Variants in CHRNA7 observed in about 807,000 individuals in gnomAD.
CHRNA7 encodes the protein cholinergic receptor nicotinic alpha 7 subunit.
Under a neutral mutation model 48.0 loss-of-function variants are expected in CHRNA7, and 17 were observed. The ratio of observed to expected loss-of-function variants is 0.35; its 90% CI spans 0.24 to 0.53. The LOEUF is 0.53. Ranked by LOEUF, CHRNA7 falls within the 20% of genes least tolerant of loss-of-function variation. CHRNA7 has a pLI of 0.92. For missense variants in CHRNA7, 155 were observed against 577.7 expected (o/e 0.27, Z 7.50); for synonymous variants, 75 against 242.3 (o/e 0.31, Z 6.41).
At chr15:32,042,964 A>G (rs1039465137) in intron 2 of CHRNA7, among the ~76,000 whole-genome samples, 2 of 152,228 alleles carry the variant, frequency 1.3e-5, no homozygotes, top group African/African-American at 4.8e-5. Context: ...TTGAAAATCA[A>G]GGGGGTAAAA....
intron 4 of CHRNA7, among the ~76,000 whole-genome samples, chr15:32,152,420 GC>G (rs1166884800): frequency 2.0e-5 from 3 of 152,186 alleles, no homozygotes; most frequent in African/African-American, 7.2e-5. Flanking sequence ...TCCAGCCTGG[GC>G]AACAGAGCTA....
At chr15:32,164,889 G>A (rs1336253389) in intron 9 of CHRNA7, among the ~76,000 whole-genome samples, 3 of 12,194 alleles carry the variant, frequency 2.5e-4, no homozygotes, top group Non-Finnish European at 4.0e-4. Flanking sequence ...TCCAGCCTGG[G>A]TGACAGAGCA....
At chr15:32,102,092 G>A (rs1175695693) in intron 3 of CHRNA7, 1 of 146,370 alleles carries the variant, frequency 6.8e-6, no homozygotes, top group East Asian at 1.9e-4. Context: ...TTATCCTAAT[G>A]TAATATAATT....
At chr15:32,039,170 T>A (rs2049403914) in intron 2 of CHRNA7, among the ~76,000 whole-genome samples, 1 of 152,186 alleles carries the variant, frequency 6.6e-6, no homozygotes, top group Non-Finnish European at 1.5e-5. Flanking sequence ...TTAGCCTGGC[T>A]AGATGCTTAT....
intron 4 of CHRNA7, among the ~76,000 whole-genome samples, chr15:32,143,168 T>G (rs1303793831): frequency 6.6e-6 from 1 of 152,216 alleles, no homozygotes; most frequent in African/African-American, 2.4e-5. Flanking sequence ...CTGCCTTCAT[T>G]TCGTTATTTA....
chr15:32,046,714 T>G (rs1306498037), intron 2 of CHRNA7, among the ~76,000 whole-genome samples: 1 of 152,100 alleles, frequency 6.6e-6, no homozygotes, highest in East Asian at 1.9e-4. Context: ...TTGCCATTGC[T>G]TTTGGTGTTT....
In CHRNA7 at chr15:32,144,035, G is replaced by A. The variant is rs117145523; in HGVS notation, c.351-9872G>A. 1.9e-3 allele frequency among the ~76,000 whole-genome samples: 286 copies of A among 152,262 alleles called. 2 individuals carry two copies. In the Middle Eastern group the frequency reaches 0.024, roughly 13 times the overall value. ...GCATCGATGGTCTTTACCATTTGGC[G>A]TGTTTTTGCAGAGGCTGGTACCAGT... On this transcript the variant is annotated intron_variant, in intron 4 of 9. Transcript: ENST00000306901.
chr15:32,152,608 C>T (rs182214803), intron 4 of CHRNA7, among the ~76,000 whole-genome samples: 1 of 152,278 alleles, frequency 6.6e-6, no homozygotes, highest in Non-Finnish European at 1.5e-5. Flanking sequence ...GGATTAGCTC[C>T]TTAGAATAAT....
chr15:32,071,960 A>G (rs2050065346), intron 2 of CHRNA7, among the ~76,000 whole-genome samples: 1 of 152,048 alleles, frequency 6.6e-6, no homozygotes, highest in Admixed American at 6.6e-5. Flanking sequence ...TTAATTTTGG[A>G]ACTGGGTATG....
chr15:32,030,806 C>A (rs566670150), intron 1 of CHRNA7, 92 bp from the exon 2 acceptor site: 3 of 1,526,826 alleles, frequency 2.0e-6, no homozygotes, highest in Non-Finnish European at 1.8e-6. Context: ...TGGGCTGCAC[C>A]GGGTGGGCGG....
In CHRNA7 at chr15:32,102,637, T is replaced by A. The variant is rs910188731; in HGVS notation, c.240+1290T>A. 44 of 152,244 alleles carry A rather than the reference T, an allele frequency of 2.9e-4. 1 individual carries two copies. The highest frequency in any genetic ancestry group is 4.4e-5 in the Non-Finnish European group (3 of 68,044). 9.4% of individuals were successfully genotyped at this position (152,244 alleles called of 1,614,324 possible). A position where few individuals can be genotyped will look rare whatever the true frequency, so the allele number is the denominator to read the frequency against. Reference sequence around the variant, plus strand: ...AGTAATTATAAAACATAAATTTTTATTGGCAATTTATATCTCTGCCCAAGA... The same window carrying A: ...AGTAATTATAAAACATAAATTTTTAATGGCAATTTATATCTCTGCCCAAGA... On this transcript the variant is annotated intron_variant, in intron 3 of 9. Coordinates refer to ENST00000306901, the MANE Select transcript of CHRNA7 (RefSeq NM_000746.6).
At chr15:32,084,767 G>A (rs897312796) in intron 2 of CHRNA7, among the ~76,000 whole-genome samples, 11 of 151,836 alleles carry the variant, frequency 7.2e-5, no homozygotes, top group Admixed American at 6.6e-4. Context: ...AGGTGGCCAC[G>A]AGGACAGGCT....
chr15:32,113,956 G>A (rs530792862), intron 4 of CHRNA7, among the ~76,000 whole-genome samples: 1 of 149,212 alleles, frequency 6.7e-6, no homozygotes, highest in South Asian at 2.1e-4. Flanking sequence ...CTTGAGCCCA[G>A]CAGTGAGCTT....
intron 2 of CHRNA7, among the ~76,000 whole-genome samples, chr15:32,052,544 C>T (rs1029571335): frequency 2.6e-5 from 4 of 152,120 alleles, no homozygotes; most frequent in Admixed American, 2.6e-4. Flanking sequence ...TCTTGGCCAA[C>T]ATGGTGAAAC....
chr15:32,148,572 A>G (rs1486135321), intron 4 of CHRNA7, among the ~76,000 whole-genome samples: 2 of 152,202 alleles, frequency 1.3e-5, no homozygotes, highest in African/African-American at 4.8e-5. Context: ...ATGTGGAGGA[A>G]GGAAAGGTGT....
intron 2 of CHRNA7, among the ~76,000 whole-genome samples, chr15:32,033,743 A>C (rs1202853009): frequency 6.6e-6 from 1 of 152,178 alleles, no homozygotes; most frequent in African/African-American, 2.4e-5. Context: ...CGTGTGGCAA[A>C]ATCTTGGCTG....
chr15:32,139,049 C>T (rs1249662416), intron 4 of CHRNA7, among the ~76,000 whole-genome samples: 1 of 152,136 alleles, frequency 6.6e-6, no homozygotes, highest in Non-Finnish European at 1.5e-5. Context: ...CCACTGCGCC[C>T]GGCCTGATCT....
chr15:32,034,942 A>G (rs1902013368), intron 2 of CHRNA7, among the ~76,000 whole-genome samples: 1 of 152,152 alleles, frequency 6.6e-6, no homozygotes, highest in African/African-American at 2.4e-5. Context: ...GTCAGAGAGG[A>G]GAGAAAGGTA....
At chr15:32,076,902 GC>G (rs1344756350) in intron 2 of CHRNA7, among the ~76,000 whole-genome samples, 2 of 151,984 alleles carry the variant, frequency 1.3e-5, no homozygotes, top group South Asian at 2.1e-4. Flanking sequence ...TAGTTTCACT[GC>G]CCCCCAAGTC....
Sources: gnomAD v4.1 joint callset for allele counts (sites outside exome capture counted in the v4.1 genomes callset) on GRCh38, gnomAD v4.1.1 for gene constraint, MANE v1.5 for transcripts, NCBI Gene and HGNC (gene_info 2026-07-23, HGNC 2026-07-21) for gene names.